ABRAXAS1: variants seen among roughly 807,000 people sequenced by gnomAD.
The protein encoded by ABRAXAS1 is BRCA1-A complex subunit Abraxas 1.
ABRAXAS1 carries 26 observed loss-of-function variants against 38.4 expected under a neutral mutation model. That is an observed-to-expected ratio of 0.68 (90% CI 0.50 to 0.94). The LOEUF (loss-of-function observed/expected upper bound fraction) is 0.94, where lower values mean the gene tolerates loss of function less well. Ranked by LOEUF, ABRAXAS1 falls within the 40% of genes least tolerant of loss-of-function variation. ABRAXAS1 has a pLI of 0.00. For missense variants in ABRAXAS1, 438 were observed against 481.9 expected (o/e 0.91, Z 0.85); for synonymous variants, 144 against 165.5 (o/e 0.87, Z 1.00).
intron 2 of ABRAXAS1, chr4:83,478,026 C>G: frequency 1.0e-6 from 1 of 984,502 alleles, no homozygotes; most frequent in African/African-American, 1.6e-5. Flanking sequence ...CAGGAAGGCA[C>G]CAGGGGTCTG....
At position 83,462,581 on chromosome 4, in the gene ABRAXAS1, T is replaced by C; in HGVS notation, c.1118A>G (p.Asp373Gly). ...LDTQDKRSKA[D>G]TGSSNQDKAS... ...TTTATCTTGGTTACTACTACCAGTA[T>C]CTGCTTTAGATCGTTTGTCTTGTGT... is the stretch of plus-strand genomic sequence containing the variant. Residue 373 changes from aspartate to glycine, a missense_variant, in exon 9 of 9, where the codon GAT (aspartate) becomes GGT (glycine). Asp to Gly is a moderately conservative substitution (Grantham distance 94). Coordinates refer to ENST00000321945, the MANE Select transcript of ABRAXAS1 (RefSeq NM_139076.3). 6.2e-7 allele frequency: 1 copy of C among 1,614,194 alleles called. No individual in the cohort carries two copies. Among genetic ancestry groups the C allele is most frequent in the Non-Finnish European group, 8.5e-7 (1 of 1,180,020 alleles).
intron 2 of ABRAXAS1, chr4:83,478,151 A>C (rs1487865392): frequency 1.3e-6 from 1 of 751,954 alleles, no homozygotes; most frequent in African/African-American, 1.7e-5. Flanking sequence ...GGAAGACACA[A>C]CTTTAACTCA....
chr4:83,467,550 T>G lies in ABRAXAS1; in HGVS notation c.597-12A>C, dbSNP rs763069356. On this transcript the variant is annotated splice_polypyrimidine_tract_variant and intron_variant, in intron 6 of 8. Transcript: ENST00000321945. ...CAAAAAATTTAGAGCTGTAAAAAAT[T>G]ACCATTTCCTCAGGCAAATACACAA... 1 of 1,368,078 alleles carries G rather than the reference T, an allele frequency of 7.3e-7. No individual in the cohort carries two copies. The allele number at this position is 1,368,078 out of a possible 1,614,324, so 84.7% of individuals were successfully genotyped here.
rs1001473553 is a variant in ABRAXAS1, at chr4:83,485,028, G to A, written c.45C>T (p.Leu15=). The A allele has an allele frequency of 5.6e-6, 9 of 1,596,704 alleles. No homozygotes were observed. Among genetic ancestry groups the A allele is most frequent in the East Asian group, 4.6e-5 (2 of 43,098 alleles). The change falls in exon 1 of 9, where the codon CTC becomes CTT. Residue 15 remains leucine, a synonymous_variant. Transcript: ENST00000321945. ...STSAVLSGFV[L]GALAFQHLNT... ...TGAGGTGCTGGAAAGCGAGTGCGCC[G>A]AGCACAAAGCCCGAGAGCACCGCCG...
intron 1 of ABRAXAS1, 141 bp from the exon 2 acceptor site, chr4:83,482,385 T>C (rs1723028433): frequency 1.9e-6 from 1 of 513,784 alleles, no homozygotes; most frequent in East Asian, 3.3e-5. Flanking sequence ...GAGATGCTTC[T>C]AGTTTACTTG....
chr4:83,461,348 T>C lies in ABRAXAS1; in HGVS notation c.*1121A>G, dbSNP rs1434807259. On this transcript the variant is annotated 3_prime_UTR_variant, in exon 9 of 9. Transcript: ENST00000321945. ...TTCATACCAATGTCCATTAAGCAGA[T>C]TGCTTATTTAAAATGTTAACACTCA... 3 of 632,026 alleles carry C rather than the reference T, an allele frequency of 4.7e-6. No individual in the cohort carries two copies. Among genetic ancestry groups the C allele is most frequent in the South Asian group, 3.7e-5 (2 of 54,730 alleles). 39.2% of individuals were successfully genotyped at this position (632,026 alleles called of 1,614,324 possible). A position where few individuals can be genotyped will look rare whatever the true frequency, so the allele number is the denominator to read the frequency against.
intron 2 of ABRAXAS1, chr4:83,478,290 A>G (rs1722859375): frequency 1.5e-6 from 1 of 649,700 alleles, no homozygotes; most frequent in Admixed American, 1.8e-5. Context: ...GGCACTTTGG[A>G]TGGTATTTTA....
rs1211572017 is a variant in ABRAXAS1, at chr4:83,460,524, G to A, written c.*1945C>T. ...TTTCGAGCTACAACAGCAGAGTTGA[G>A]TGGCAGTGATGGAGACTGTATGGCC... On this transcript the variant is annotated 3_prime_UTR_variant, in exon 9 of 9. Coordinates refer to ENST00000321945, the MANE Select transcript of ABRAXAS1 (RefSeq NM_139076.3). 5.8e-6 allele frequency: 1 copy of A among 171,182 alleles called. No individual in the cohort carries two copies. The highest frequency in any genetic ancestry group is 2.4e-5 in the African/African-American group (1 of 41,500). The allele number at this position is 171,182 out of a possible 1,614,324, so 10.6% of individuals were successfully genotyped here. A position where few individuals can be genotyped will look rare whatever the true frequency, so the allele number is the denominator to read the frequency against.
intron 2 of ABRAXAS1, among the ~76,000 whole-genome samples, chr4:83,477,295 A>C (rs1722812532): frequency 1.3e-5 from 2 of 152,118 alleles, no homozygotes; most frequent in Admixed American, 6.6e-5. Flanking sequence ...CGCTAATTTC[A>C]ATTAGGGAAA....
In ABRAXAS1 at chr4:83,460,583, A is replaced by G. The variant is rs1722055747; in HGVS notation, c.*1886T>C. 4.8e-6 allele frequency: 1 copy of G among 209,974 alleles called. No homozygotes were observed. The highest frequency in any genetic ancestry group is 5.4e-5 in the Admixed American group (1 of 18,434). The allele number at this position is 209,974 out of a possible 1,614,324, so 13.0% of individuals were successfully genotyped here. On this transcript the variant is annotated 3_prime_UTR_variant, in exon 9 of 9. Transcript: ENST00000321945. ...CTAGATTATTATTGTGGCCCTTGAC[A>G]AAAATGATTTACCAATCCTTGACTT...
At chr4:83,484,123 T>C in intron 1 of ABRAXAS1, 1 of 958,690 alleles carries the variant, frequency 1.0e-6, no homozygotes, top group Non-Finnish European at 1.2e-6. Context: ...CCGCCTCGGC[T>C]TCCCAAAGGG....
intron 7 of ABRAXAS1, among the ~76,000 whole-genome samples, chr4:83,466,046 TG>T (rs1399216798): frequency 1.3e-5 from 2 of 152,172 alleles, no homozygotes; most frequent in African/African-American, 4.8e-5. Flanking sequence ...TCCTAGCCAA[TG>T]ACTAAGCACA....
intron 3 of ABRAXAS1, among the ~76,000 whole-genome samples, chr4:83,473,260 ACAGAG>A (rs1211470737): frequency 6.6e-6 from 1 of 152,160 alleles, no homozygotes; most frequent in East Asian, 1.9e-4. Context: ...AGGCTGGGCA[ACAGAG>A]CAGTCTCTGT....
chr4:83,471,004 A>G (rs759866538), intron 4 of ABRAXAS1, among the ~76,000 whole-genome samples: 2 of 152,102 alleles, frequency 1.3e-5, no homozygotes, highest in Non-Finnish European at 2.9e-5. Context: ...GAGAAAACCA[A>G]TCACTTTGCT....
chr4:83,474,634 G>T (rs1186620784), intron 3 of ABRAXAS1, among the ~76,000 whole-genome samples: 2 of 150,786 alleles, frequency 1.3e-5, no homozygotes, highest in Admixed American at 6.6e-5. Context: ...GAATTGCTTG[G>T]ACCTGGGAGG....
chr4:83,462,254 G>A lies in ABRAXAS1; in HGVS notation c.*215C>T. ...CCTTCCCCTCAACAACTTAGTGAAA[G>A]GTGAAAAAAAGGTTTGGAAATAAAA... On this transcript the variant is annotated 3_prime_UTR_variant, in exon 9 of 9. Coordinates refer to ENST00000321945, the MANE Select transcript of ABRAXAS1 (RefSeq NM_139076.3). 1 of 511,308 alleles carries A rather than the reference G, an allele frequency of 2.0e-6. No homozygotes were observed. Among genetic ancestry groups the A allele is most frequent in the Non-Finnish European group, 3.4e-6 (1 of 290,264 alleles). 31.7% of individuals were successfully genotyped at this position (511,308 alleles called of 1,614,324 possible). A position where few individuals can be genotyped will look rare whatever the true frequency, so the allele number is the denominator to read the frequency against.
At chr4:83,484,906 C>T in intron 1 of ABRAXAS1, 80 bp downstream of exon 1, 1 of 1,248,456 alleles carries the variant, frequency 8.0e-7, no homozygotes. Context: ...CGGGCGGGGA[C>T]CGGAGCAACA....
At chr4:83,471,259 A>G (rs1722582906) in intron 4 of ABRAXAS1, among the ~76,000 whole-genome samples, 1 of 129,936 alleles carries the variant, frequency 7.7e-6, no homozygotes, top group African/African-American at 3.0e-5. Flanking sequence ...GCTGGAGTGC[A>G]ATGGCACGAT....
chr4:83,481,201 C>T (rs1722991253), intron 2 of ABRAXAS1, among the ~76,000 whole-genome samples: 1 of 151,802 alleles, frequency 6.6e-6, no homozygotes, highest in Non-Finnish European at 1.5e-5. Flanking sequence ...GTGATCATGA[C>T]ACAATATGAT....
Sources: allele counts gnomAD v4.1 joint callset (sites outside exome capture counted in the v4.1 genomes callset), GRCh38; gene constraint gnomAD v4.1.1; transcripts MANE v1.5; gene names NCBI Gene and HGNC (gene_info 2026-07-23, HGNC 2026-07-21).